KIAA1210: variants seen among roughly 807,000 people sequenced by gnomAD.
KIAA1210 encodes the protein KIAA1210.
In KIAA1210, 48 loss-of-function variants were observed where a neutral mutation model predicts 78.9. The observed-to-expected ratio is 0.61, with a 90% CI of 0.48 to 0.77. The LOEUF is 0.77. KIAA1210 is among the 30% of genes least tolerant of loss of function. KIAA1210 has a pLI of 0.00. For missense variants in KIAA1210, 1,108 were observed against 1,100.0 expected (o/e 1.01, Z -0.10); for synonymous variants, 406 against 404.5 (o/e 1.00, Z -0.04).
At chrX:119,103,906 G>C (rs1927809807) in intron 6 of KIAA1210, among the ~76,000 whole-genome samples, 1 of 111,911 alleles carries the variant, frequency 8.9e-6, no homozygotes, top group African/African-American at 3.2e-5. Context: ...CAAGTACAGA[G>C]ATAGAAAGCA....
intron 10 of KIAA1210, among the ~76,000 whole-genome samples, chrX:119,084,698 GA>G (rs1177608978): frequency 9.0e-6 from 1 of 110,940 alleles, no homozygotes; most frequent in East Asian, 2.8e-4. Context: ...ATCACCACCA[GA>G]TAACTTACTC....
chrX:119,092,585 C>T (rs1933030269), intron 8 of KIAA1210, among the ~76,000 whole-genome samples: 1 of 110,268 alleles, frequency 9.1e-6, no homozygotes, highest in African/African-American at 3.3e-5. Flanking sequence ...CACGGTGAAA[C>T]TCCCTCTCTA....
chrX:119,134,219 C>A (rs1466723275), intron 2 of KIAA1210, among the ~76,000 whole-genome samples: 1 of 111,732 alleles, frequency 8.9e-6, no homozygotes, highest in African/African-American at 3.3e-5. Context: ...TGAATGAGAA[C>A]ATGTATTATT....
chrX:119,098,168 C>T (rs903141003), intron 6 of KIAA1210, among the ~76,000 whole-genome samples: 7 of 111,669 alleles, frequency 6.3e-5, no homozygotes, highest in African/African-American at 2.3e-4. Context: ...TCCAGACACA[C>T]TGCTGGTCTG....
At chrX:119,134,766 G>T (rs1382224338) in intron 2 of KIAA1210, among the ~76,000 whole-genome samples, 1 of 112,300 alleles carries the variant, frequency 8.9e-6, no homozygotes. Context: ...AACATGCAAA[G>T]AACTTGGCCT....
At chrX:119,124,566 T>A (rs910186426) in intron 1 of KIAA1210, among the ~76,000 whole-genome samples, 6 of 111,512 alleles carry the variant, frequency 5.4e-5, no homozygotes, top group Admixed American at 1.9e-4. Flanking sequence ...CACAGAGCCA[T>A]AAAGAAAAGA....
At chrX:119,084,182 C>T (rs764111703) in intron 10 of KIAA1210, among the ~76,000 whole-genome samples, 31 of 110,869 alleles carry the variant, frequency 2.8e-4, no homozygotes, top group Non-Finnish European at 5.1e-4. Context: ...GGAGCTTAGA[C>T]ATATCTCTTG....
chrX:119,106,720 A>G (rs934462178), intron 5 of KIAA1210, among the ~76,000 whole-genome samples: 14 of 112,799 alleles, frequency 1.2e-4, no homozygotes. Flanking sequence ...GTGCTCAAAT[A>G]AAGGGAACAG....
At chrX:119,094,080 A>G in intron 7 of KIAA1210, 1 of 1,198,233 alleles carries the variant, frequency 8.3e-7, no homozygotes, top group Non-Finnish European at 1.1e-6. Flanking sequence ...ACTGAACCAC[A>G]CTGGAAGGCC....
At chrX:119,139,479 A>G (rs919690675) in intron 2 of KIAA1210, among the ~76,000 whole-genome samples, 1 of 111,621 alleles carries the variant, frequency 9.0e-6, no homozygotes, top group South Asian at 3.8e-4. Flanking sequence ...TATCCACACT[A>G]TATCACTCAT....
At position 119,086,307 on chromosome X, in the gene KIAA1210, A is replaced by AC. The variant is rs375981492; in HGVS notation, c.4156+238_4156+239insG. On this transcript the variant is annotated intron_variant, in intron 9 of 11. Transcript: ENST00000691062. ...GGAAATGGTCATGTGTCTACTATGG[A>AC]ATGTAGATGGATGTCCAGAGGGGGA... Among the ~76,000 whole-genome samples the AC allele has an allele frequency of 7.0e-3, 783 of 111,595 alleles. 3 individuals carry two copies. Among genetic ancestry groups the AC allele is most frequent in the Middle Eastern group, 0.027 (6 of 219 alleles).
At chrX:119,118,951 A>G (rs940321777) in intron 2 of KIAA1210, among the ~76,000 whole-genome samples, 15 of 112,329 alleles carry the variant, frequency 1.3e-4, no homozygotes, top group African/African-American at 4.5e-4. Flanking sequence ...CTTAGCAACT[A>G]GCACAGTGCA....
chrX:119,110,420 G>A (rs1420108819), intron 3 of KIAA1210, among the ~76,000 whole-genome samples: 3 of 111,593 alleles, frequency 2.7e-5, no homozygotes, highest in Non-Finnish European at 5.7e-5. Context: ...AACAAGACAA[G>A]GATGACTGCT....
intron 2 of KIAA1210, among the ~76,000 whole-genome samples, chrX:119,121,740 G>A (rs1427169862): frequency 9.0e-6 from 1 of 111,406 alleles, no homozygotes; most frequent in East Asian, 2.8e-4. Context: ...ATTGCTGCTT[G>A]GAAAGAAATT....
Position 119,100,764 on chromosome X carries a change from C to T in KIAA1210, c.649-4073G>A, listed in dbSNP as rs191783703. The stretch of plus-strand genomic sequence containing the variant: ...TTCCAAATCTCCAATGTTTATTTCC[C>T]ACACTCTATGTCCACCGTGTACACA... On this transcript the variant is annotated intron_variant, in intron 6 of 11. Transcript: ENST00000691062. 4.6e-3 allele frequency among the ~76,000 whole-genome samples: 512 copies of T among 112,054 alleles called. 1 individual carries two copies. The highest frequency in any genetic ancestry group is 0.019 in the Middle Eastern group (4 of 216).
At position 119,145,377 on chromosome X, in the gene KIAA1210, G is replaced by A. The variant is rs1414097611; in HGVS notation, c.410+2096C>T. Among the ~76,000 whole-genome samples, 4 of 110,780 alleles carry A rather than the reference G, an allele frequency of 3.6e-5. No individual in the cohort carries two copies. In the East Asian group the frequency reaches 8.5e-4, roughly 23 times the overall value. On this transcript the variant is annotated intron_variant, in intron 2 of 13. Transcript: ENST00000402510. ...GATGTCAGTAGCATACCTTGGCCCCGGTTTTGACAACCAAAAATGTCTCCA... is the reference window on the plus strand; with the variant it reads ...GATGTCAGTAGCATACCTTGGCCCCAGTTTTGACAACCAAAAATGTCTCCA...
At chrX:119,150,846 G>C, upstream of KIAA1210, among the ~76,000 whole-genome samples, 1 of 112,708 alleles carries the variant, frequency 8.9e-6, no homozygotes. Context: ...CCATTTGGGC[G>C]GTTAGGAGCC....
intron 8 of KIAA1210, among the ~76,000 whole-genome samples, chrX:119,092,544 A>C (rs755199222): frequency 4.5e-5 from 5 of 111,251 alleles, no homozygotes; most frequent in Non-Finnish European, 7.5e-5. Context: ...GGCAGATCAC[A>C]AGGTCAGGAG....
rs745311008 is a variant in KIAA1210 at position 119,080,077 on chromosome X, T to C, written c.*1252A>G. 4 of 111,560 alleles carry C rather than the reference T, an allele frequency of 3.6e-5. No individual in the cohort carries two copies. The South Asian group carries it at 1.5e-3, about 43-fold the overall frequency. The allele number at this position is 111,560 out of a possible 1,213,427, so 9.2% of individuals were successfully genotyped here. The stretch of plus-strand genomic sequence containing the variant: ...CTGATGGAAAGTACAGCTTTTGGCA[T>C]CTGTAGAACTCTAATTTCAATAGGG... On this transcript the variant is annotated 3_prime_UTR_variant, in exon 12 of 12. Transcript: ENST00000691062.
Sources: gnomAD v4.1 joint callset for allele counts (sites outside exome capture counted in the v4.1 genomes callset) on GRCh38, gnomAD v4.1.1 for gene constraint, MANE v1.5 for transcripts, NCBI Gene and HGNC (gene_info 2026-07-23, HGNC 2026-07-21) for gene names.